IGF1R: variants seen among roughly 807,000 people sequenced by gnomAD.
IGF1R encodes the protein insulin-like growth factor 1 receptor.
A neutral mutation model predicts 144.6 loss-of-function variants in IGF1R; 44 were observed. The ratio of observed to expected loss-of-function variants is 0.30; its 90% CI spans 0.24 to 0.39. The LOEUF is 0.39. IGF1R is among the 10% of genes least tolerant of loss of function. The pLI, the probability that IGF1R is intolerant of heterozygous loss-of-function variation, is 1.00. For missense variants in IGF1R, 1,355 were observed against 1,833.7 expected (o/e 0.74, Z 4.77); for synonymous variants, 795 against 722.8 (o/e 1.10, Z -1.60).
At chr15:98,726,743 G>C (rs2054371352) in intron 2 of IGF1R, among the ~76,000 whole-genome samples, 1 of 110,880 alleles carries the variant, frequency 9.0e-6, no homozygotes, top group South Asian at 3.1e-4. Flanking sequence ...TTTTGAGATA[G>C]AGTCTTGCTC....
At chr15:98,949,740 T>TGCC (rs2016700615) in intron 20 of IGF1R, among the ~76,000 whole-genome samples, 1 of 152,206 alleles carries the variant, frequency 6.6e-6, no homozygotes, top group Non-Finnish European at 1.5e-5. Context: ...GAGAGAGAGT[T>TGCC]TGTGATGCCT....
intron 2 of IGF1R, among the ~76,000 whole-genome samples, chr15:98,725,883 C>G (rs1425979923): frequency 6.6e-6 from 1 of 152,174 alleles, no homozygotes; most frequent in Non-Finnish European, 1.5e-5. Context: ...CCCATCAGAT[C>G]TCGTCAGACT....
At chr15:98,883,078 T>C (rs916772492) in intron 2 of IGF1R, among the ~76,000 whole-genome samples, 1 of 152,266 alleles carries the variant, frequency 6.6e-6, no homozygotes, top group African/African-American at 2.4e-5. Context: ...TGGGTCTAAC[T>C]ACTATAGTGG....
At chr15:98,904,664 G>C (rs372564174) in intron 5 of IGF1R, among the ~76,000 whole-genome samples, 2 of 152,274 alleles carry the variant, frequency 1.3e-5, no homozygotes, top group East Asian at 3.9e-4. Context: ...GGGTTCTGAT[G>C]CCCCCTAGAG....
intron 2 of IGF1R, among the ~76,000 whole-genome samples, chr15:98,814,755 G>A (rs1357767777): frequency 6.6e-6 from 1 of 152,096 alleles, no homozygotes; most frequent in Non-Finnish European, 1.5e-5. Flanking sequence ...AATTAGAAGA[G>A]TGAAAGAGAA....
intron 2 of IGF1R, among the ~76,000 whole-genome samples, chr15:98,808,687 T>TTC (rs2056519416): frequency 6.6e-6 from 1 of 151,362 alleles, no homozygotes. Context: ...TTTTTTTTTT[T>TTC]TCTTTTTGAA....
chr15:98,895,452 A>G (rs1170749176), intron 3 of IGF1R, among the ~76,000 whole-genome samples: 1 of 152,094 alleles, frequency 6.6e-6, no homozygotes, highest in Non-Finnish European at 1.5e-5. Context: ...GGGTATGTAG[A>G]TAAATTAGAA....
intron 17 of IGF1R, among the ~76,000 whole-genome samples, chr15:98,938,452 AATGGATGT>A (rs1316360205): frequency 6.6e-6 from 1 of 152,194 alleles, no homozygotes; most frequent in Non-Finnish European, 1.5e-5. Flanking sequence ...CTTTTTTCTA[AATGGATGT>A]ATTATTTAAG....
At chr15:98,940,274 C>T (rs1167490324) in intron 18 of IGF1R, among the ~76,000 whole-genome samples, 2 of 152,252 alleles carry the variant, frequency 1.3e-5, no homozygotes, top group Non-Finnish European at 2.9e-5. Flanking sequence ...AAATGGACCT[C>T]TGTGTCTAGT....
chr15:98,894,883 T>G (rs948579825), intron 3 of IGF1R, among the ~76,000 whole-genome samples: 3 of 151,996 alleles, frequency 2.0e-5, no homozygotes, highest in Non-Finnish European at 4.4e-5. Flanking sequence ...TAGCCGGGCC[T>G]GGTGATGGGT....
At chr15:98,812,247 C>A (rs1211271833) in intron 2 of IGF1R, among the ~76,000 whole-genome samples, 1 of 152,156 alleles carries the variant, frequency 6.6e-6, no homozygotes, top group Non-Finnish European at 1.5e-5. Flanking sequence ...TCTTGGACAG[C>A]TGAGTCAATG....
chr15:98,847,057 A>G (rs958208054), intron 2 of IGF1R, among the ~76,000 whole-genome samples: 1 of 151,994 alleles, frequency 6.6e-6, no homozygotes, highest in Non-Finnish European at 1.5e-5. Context: ...GCTCACTGCA[A>G]CCTCTACCTC....
intron 2 of IGF1R, among the ~76,000 whole-genome samples, chr15:98,718,638 C>T (rs2054177168): frequency 6.6e-6 from 1 of 152,228 alleles, no homozygotes; most frequent in African/African-American, 2.4e-5. Context: ...TCTGTGAACC[C>T]AGGCTGCCAT....
chr15:98,924,705 A>T lies in IGF1R; in HGVS notation c.2782+21A>T, dbSNP rs1464430. On this transcript the variant is annotated intron_variant, in intron 13 of 20. Coordinates refer to ENST00000650285, the MANE Select transcript of IGF1R (RefSeq NM_000875.5). ...CAAAAGTAAGGCTTGTGGAGGGAGAAGAAACGTGGTAAAACTGAAAGCAGG... is the reference window on the plus strand; with the variant it reads ...CAAAAGTAAGGCTTGTGGAGGGAGATGAAACGTGGTAAAACTGAAAGCAGG... 1.1e-5 allele frequency: 18 copies of T among 1,606,548 alleles called. No homozygotes were observed. In the East Asian group the frequency reaches 2.2e-4, roughly 20 times the overall value.
chr15:98,704,635 C>T lies in IGF1R; in HGVS notation c.95-2927C>T, dbSNP rs1019321949. Among the ~76,000 whole-genome samples the T allele has an allele frequency of 4.6e-5, 7 of 152,196 alleles. No individual in the cohort carries two copies. In the East Asian group the frequency reaches 7.7e-4, roughly 17 times the overall value. On this transcript the variant is annotated intron_variant, in intron 1 of 20. Coordinates refer to ENST00000650285, the MANE Select transcript of IGF1R (RefSeq NM_000875.5). The surrounding 1 kb of genome is among the most constrained non-coding windows in gnomAD (Gnocchi z 4.9). ...CTGCGTGTGTCCCATGTCATGTGTC[C>T]GCTGCACACCAAGTACTGTTTTAGG... is the stretch of plus-strand genomic sequence containing the variant.
chr15:98,891,242 A>T lies in IGF1R; in HGVS notation c.641-83A>T. 1 of 1,295,352 alleles carries T rather than the reference A, an allele frequency of 7.7e-7. No homozygotes were observed. The highest frequency in any genetic ancestry group is 1.8e-5 in the Admixed American group (1 of 55,336). The allele number at this position is 1,295,352 out of a possible 1,614,324, so 80.2% of individuals were successfully genotyped here. On this transcript the variant is annotated intron_variant, in intron 2 of 20. Transcript: ENST00000650285. The surrounding 1 kb of genome is among the most constrained non-coding windows in gnomAD (Gnocchi z 4.7). The stretch of plus-strand genomic sequence containing the variant: ...CTGGTGCTGGTGGTAGCAGTGAATG[A>T]CCCAGAAGGATGCTGGCCAGGCCCA...
intron 18 of IGF1R, among the ~76,000 whole-genome samples, chr15:98,941,488 TTCATTTGTGCTGAGGAAGG>T (rs1188556459): frequency 2.0e-5 from 3 of 152,264 alleles, no homozygotes; most frequent in Non-Finnish European, 4.4e-5. Flanking sequence ...TTTCAAGTTT[TTCATTTGTGCTGAGGAAGG>T]TCGTTTGTGT....
intron 20 of IGF1R, among the ~76,000 whole-genome samples, chr15:98,949,820 CTG>C (rs1449531689): frequency 6.6e-6 from 1 of 152,172 alleles, no homozygotes; most frequent in Non-Finnish European, 1.5e-5. Flanking sequence ...AGGACTTGCT[CTG>C]TGTCCGTGGA....
intron 2 of IGF1R, among the ~76,000 whole-genome samples, chr15:98,792,989 T>C (rs1257432846): frequency 6.6e-6 from 1 of 152,180 alleles, no homozygotes; most frequent in Non-Finnish European, 1.5e-5. Context: ...GGTTGTTTTT[T>C]TTCTTCCTCC....
Sources: gnomAD v4.1 joint callset for allele counts (sites outside exome capture counted in the v4.1 genomes callset) on GRCh38, gnomAD v4.1.1 for gene constraint, Gnocchi (gnomAD v3.1) non-coding constraint, MANE v1.5 for transcripts, NCBI Gene and HGNC (gene_info 2026-07-23, HGNC 2026-07-21) for gene names.